Variants in RORB observed in about 807,000 individuals in gnomAD.
The protein encoded by RORB is RAR related orphan receptor B.
A neutral mutation model predicts 59.1 loss-of-function variants in RORB; 6 were observed. The observed-to-expected ratio is 0.10, with a 90% CI of 0.06 to 0.20. The LOEUF (loss-of-function observed/expected upper bound fraction) is 0.20, where lower values mean the gene tolerates loss of function less well. Among genes scored for constraint, RORB ranks in the 10% least tolerant of loss-of-function variants. The pLI is 1.00. For missense variants in RORB, 320 were observed against 560.5 expected (o/e 0.57, Z 4.33); for synonymous variants, 215 against 204.5 (o/e 1.05, Z -0.44).
intron 1 of RORB, among the ~76,000 whole-genome samples, chr9:74,582,394 A>G (rs1340018241): frequency 6.6e-6 from 1 of 152,204 alleles, no homozygotes; most frequent in African/African-American, 2.4e-5. Context: ...CCCATATTAG[A>G]AAAATGGCTC....
At chr9:74,560,022 C>T (rs933730050) in intron 1 of RORB, among the ~76,000 whole-genome samples, 1 of 152,148 alleles carries the variant, frequency 6.6e-6, no homozygotes. Context: ...ATGAATCCTG[C>T]TTGAAATTCA....
intron 1 of RORB, among the ~76,000 whole-genome samples, chr9:74,521,247 A>G (rs1826082055): frequency 6.6e-6 from 1 of 151,910 alleles, no homozygotes; most frequent in Non-Finnish European, 1.5e-5. Flanking sequence ...CAACAACAGT[A>G]TCATCCAGAA....
At chr9:74,528,225 G>C in intron 1 of RORB, among the ~76,000 whole-genome samples, 1 of 152,008 alleles carries the variant, frequency 6.6e-6, no homozygotes, top group East Asian at 1.9e-4. Flanking sequence ...TAAAGGGACT[G>C]AGGGGTTCTT....
At chr9:74,675,106 T>C (rs1295053450) in intron 9 of RORB, among the ~76,000 whole-genome samples, 1 of 152,148 alleles carries the variant, frequency 6.6e-6, no homozygotes, top group African/African-American at 2.4e-5. Context: ...CACTGATAGA[T>C]GAAAACCATT....
intron 1 of RORB, among the ~76,000 whole-genome samples, chr9:74,550,494 G>A (rs768370207): frequency 6.6e-6 from 1 of 152,188 alleles, no homozygotes; most frequent in Non-Finnish European, 1.5e-5. Context: ...CTAGGGTTGA[G>A]AAATACTTTT....
At chr9:74,634,901 T>A in intron 3 of RORB, 129 bp downstream of exon 3, 1 of 791,314 alleles carries the variant, frequency 1.3e-6, no homozygotes, top group Non-Finnish European at 2.0e-6. Context: ...ATCACTGTGC[T>A]GCTAGTGCAT....
At chr9:74,542,805 A>G (rs568072581) in intron 1 of RORB, among the ~76,000 whole-genome samples, 1 of 152,176 alleles carries the variant, frequency 6.6e-6, no homozygotes, top group African/African-American at 2.4e-5. Context: ...CTCAGGGTCT[A>G]CTTAAAAGGT....
intron 3 of RORB, among the ~76,000 whole-genome samples, chr9:74,635,217 A>G (rs1823681441): frequency 6.6e-6 from 1 of 152,162 alleles, no homozygotes; most frequent in African/African-American, 2.4e-5. Context: ...ATATGCCTCT[A>G]TGGGAAGCCT....
chr9:74,670,905 T>C lies in RORB; in HGVS notation c.1112-884T>C, dbSNP rs181701184. The stretch of plus-strand genomic sequence containing the variant: ...TTCATCCTGTCTAGGATTACAGAAT[T>C]GAGTTTCTCACCTGACCTGAACTGT... On this transcript the variant is annotated intron_variant, in intron 8 of 9. Coordinates refer to ENST00000376896, the MANE Select transcript of RORB (RefSeq NM_006914.4). 3.6e-3 allele frequency among the ~76,000 whole-genome samples: 543 copies of C among 152,318 alleles called. 3 individuals are homozygous for C. The highest frequency in any genetic ancestry group is 0.013 in the African/African-American group (524 of 41,576).
At chr9:74,611,279 T>C (rs1360733010) in intron 1 of RORB, among the ~76,000 whole-genome samples, 2 of 152,050 alleles carry the variant, frequency 1.3e-5, no homozygotes, top group African/African-American at 4.8e-5. Context: ...CCTAAACCAT[T>C]GGGACAACAA....
intron 1 of RORB, among the ~76,000 whole-genome samples, chr9:74,600,737 C>G (rs1433733323): frequency 6.6e-6 from 1 of 152,126 alleles, no homozygotes; most frequent in African/African-American, 2.4e-5. Context: ...AGTATAAGTC[C>G]TATTTTATCA....
intron 1 of RORB, among the ~76,000 whole-genome samples, chr9:74,529,468 A>G (rs1023639224): frequency 5.3e-5 from 8 of 151,820 alleles, no homozygotes; most frequent in Non-Finnish European, 1.0e-4. Context: ...CAATATTTCA[A>G]TCTTTGAAAA....
intron 1 of RORB, among the ~76,000 whole-genome samples, chr9:74,582,192 T>C (rs1366660564): frequency 6.6e-6 from 1 of 152,180 alleles, no homozygotes; most frequent in East Asian, 1.9e-4. Flanking sequence ...ACTACACAAG[T>C]TTATAACCAT....
intron 1 of RORB, among the ~76,000 whole-genome samples, chr9:74,511,711 A>G (rs1010239688): frequency 1.7e-4 from 26 of 149,274 alleles, no homozygotes; most frequent in African/African-American, 6.4e-4. Context: ...TAGCTCATCC[A>G]TTTGCCTGAG....
chr9:74,513,846 A>T (rs1026974307), intron 1 of RORB, among the ~76,000 whole-genome samples: 1 of 152,128 alleles, frequency 6.6e-6, no homozygotes, highest in Admixed American at 6.6e-5. Context: ...ATAAAATCTA[A>T]AATGCTTCAA....
At chr9:74,506,938 G>C (rs778928052) in intron 1 of RORB, among the ~76,000 whole-genome samples, 5 of 152,072 alleles carry the variant, frequency 3.3e-5, no homozygotes, top group Non-Finnish European at 5.9e-5. Flanking sequence ...AGAAGAATTC[G>C]AGAAGTGCAT....
chr9:74,597,379 A>G (rs1249671217), intron 1 of RORB, among the ~76,000 whole-genome samples: 5 of 152,248 alleles, frequency 3.3e-5, no homozygotes, highest in African/African-American at 7.2e-5. Flanking sequence ...GGCACTGGCC[A>G]ATACAGCAGC....
chr9:74,540,124 C>T (rs571547971), intron 1 of RORB, among the ~76,000 whole-genome samples: 1 of 152,070 alleles, frequency 6.6e-6, no homozygotes, highest in African/African-American at 2.4e-5. Flanking sequence ...GCACTGAAAA[C>T]GAGTTAAAAA....
intron 1 of RORB, among the ~76,000 whole-genome samples, chr9:74,597,685 A>G (rs7852658): frequency 1.2e-4 from 18 of 152,006 alleles, no homozygotes; most frequent in African/African-American, 4.4e-4. Flanking sequence ...GTGGCTGGGC[A>G]TGGTGGCTCA....
Sources: allele counts gnomAD v4.1 joint callset (sites outside exome capture counted in the v4.1 genomes callset), GRCh38; gene constraint gnomAD v4.1.1; transcripts MANE v1.5; gene names NCBI Gene and HGNC (gene_info 2026-07-23, HGNC 2026-07-21).